Variants in SCNN1G observed in about 807,000 individuals in gnomAD.
SCNN1G encodes sodium channel epithelial 1 subunit gamma, also known as epithelial sodium channel subunit gamma.
Under a neutral mutation model 64.6 loss-of-function variants are expected in SCNN1G, and 27 were observed. The observed-to-expected ratio is 0.42, with a 90% CI of 0.31 to 0.58. SCNN1G has a LOEUF of 0.58. SCNN1G is among the 20% of genes least tolerant of loss of function. The pLI is 0.18. For synonymous variants in SCNN1G, 330 were observed against 314.2 expected (o/e 1.05, Z -0.53); for missense variants, 743 against 823.4 (o/e 0.90, Z 1.19).
At chr16:23,194,074 TC>T in intron 4 of SCNN1G, 96 bp from the exon 5 acceptor site, 2 of 818,170 alleles carry the variant, frequency 2.4e-6, no homozygotes, top group African/African-American at 1.7e-5. Flanking sequence ...TCACACATTC[TC>T]CCCAAAGAGA....
chr16:23,207,958 C>T (rs895753788), intron 6 of SCNN1G, among the ~76,000 whole-genome samples: 34 of 152,088 alleles, frequency 2.2e-4, no homozygotes, highest in African/African-American at 8.0e-4. Context: ...TTTCTCTTTA[C>T]CCCCATCTCC....
rs1959762982 is a variant in SCNN1G at position 23,194,396 on chromosome 16, A to G, written c.913+122A>G. The G allele has an allele frequency of 5.5e-6, 4 of 733,142 alleles. No homozygotes were observed. In the Admixed American group the frequency reaches 8.1e-5, roughly 15 times the overall value. The allele number at this position is 733,142 out of a possible 1,614,324, so 45.4% of individuals were successfully genotyped here. ...GATCTCTCCCACTTGGCCAGAAACC[A>G]GGGATGCCCCTTTTTCTATCAGTGT... On this transcript the variant is annotated intron_variant, in intron 5 of 12. Coordinates refer to ENST00000300061, the MANE Select transcript of SCNN1G (RefSeq NM_001039.4).
chr16:23,215,892 TGTCAAGGCTG>T lies in SCNN1G; in HGVS notation c.*425_*434del, dbSNP rs1782988507. On this transcript the variant is annotated 3_prime_UTR_variant, in exon 13 of 13. Transcript: ENST00000300061. ...TGGGGCCCAAGGATGTGACCTTGAG[TGTCAAGGCTG>T]GACAGCTACTGCCAGATGCCAAAGA... is the stretch of plus-strand genomic sequence containing the variant. The T allele has an allele frequency of 7.8e-6, 2 of 256,586 alleles. No individual in the cohort carries two copies. Among genetic ancestry groups the T allele is most frequent in the South Asian group, 1.0e-4 (2 of 19,636 alleles). 15.9% of individuals were successfully genotyped at this position (256,586 alleles called of 1,614,324 possible). A position where few individuals can be genotyped will look rare whatever the true frequency, so the allele number is the denominator to read the frequency against.
chr16:23,196,836 G>C (rs191888874), intron 5 of SCNN1G, among the ~76,000 whole-genome samples: 6 of 152,162 alleles, frequency 3.9e-5, no homozygotes, highest in African/African-American at 1.4e-4. Flanking sequence ...AGTTGGGCCA[G>C]TGATGAGAAA....
At chr16:23,205,324 G>A (rs972091579) in intron 6 of SCNN1G, among the ~76,000 whole-genome samples, 2 of 151,996 alleles carry the variant, frequency 1.3e-5, no homozygotes, top group Non-Finnish European at 1.5e-5. Context: ...ACCCCCTTAC[G>A]CCCACGGTCA....
chr16:23,202,020 T>C (rs1959897846), intron 6 of SCNN1G, among the ~76,000 whole-genome samples: 1 of 152,156 alleles, frequency 6.6e-6, no homozygotes, highest in Non-Finnish European at 1.5e-5. Flanking sequence ...TCTCGCTATG[T>C]TGCTCAGACT....
At chr16:23,210,771 C>T (rs892237681) in intron 7 of SCNN1G, among the ~76,000 whole-genome samples, 1 of 152,138 alleles carries the variant, frequency 6.6e-6, no homozygotes. Flanking sequence ...GTAGCTCATG[C>T]CTATAATCCC....
In SCNN1G at chr16:23,216,479, G is replaced by T. The variant is rs1218920867; in HGVS notation, c.*1010G>T. ...TCTTTCCACCTGAAATGGCTAACAG[G>T]TATTAAATCCTTGGTTGGTGTTTAA... is the stretch of plus-strand genomic sequence containing the variant. On this transcript the variant is annotated 3_prime_UTR_variant, in exon 13 of 13. Transcript: ENST00000300061. The T allele has an allele frequency of 6.6e-6, 1 of 152,114 alleles. No individual in the cohort carries two copies. 9.4% of individuals were successfully genotyped at this position (152,114 alleles called of 1,614,324 possible). A position where few individuals can be genotyped will look rare whatever the true frequency, so the allele number is the denominator to read the frequency against.
intron 6 of SCNN1G, among the ~76,000 whole-genome samples, chr16:23,204,288 C>CATATATATATATATATATATATATAT (rs59288460): frequency 1.4e-4 from 2 of 14,178 alleles, no homozygotes; most frequent in Non-Finnish European, 2.3e-4. Flanking sequence ...CAAATATATA[C>CATATATATATATATATATATATATAT]ATATATATAT....
At chr16:23,207,462 C>T (rs1349865765) in intron 6 of SCNN1G, among the ~76,000 whole-genome samples, 1 of 152,244 alleles carries the variant, frequency 6.6e-6, no homozygotes, top group African/African-American at 2.4e-5. Flanking sequence ...ATCTTTGCAC[C>T]TCTGTGCCCA....
intron 1 of SCNN1G, among the ~76,000 whole-genome samples, chr16:23,185,202 A>G (rs562427502): frequency 1.3e-5 from 2 of 152,350 alleles, no homozygotes; most frequent in South Asian, 4.1e-4. Context: ...CCTCTGTAAC[A>G]TGGATATAAT....
intron 6 of SCNN1G, among the ~76,000 whole-genome samples, chr16:23,208,422 A>G (rs1960025666): frequency 6.6e-6 from 1 of 152,094 alleles, no homozygotes. Flanking sequence ...ACCTCCTCTC[A>G]TGATCAGGGT....
chr16:23,186,339 C>G lies in SCNN1G; in HGVS notation c.68C>G (p.Pro23Arg), dbSNP rs368523916. 6.2e-7 allele frequency: 1 copy of G among 1,614,124 alleles called. No homozygotes were observed. Among genetic ancestry groups the G allele is most frequent in the African/African-American group, 1.3e-5 (1 of 74,944 alleles). Reference sequence around the variant, plus strand: ...CTGCCCGTGACGGGCCCTCAGGCGCCGACCATTAAAGAGCTGATGCGGTGG... The same window carrying G: ...CTGCCCGTGACGGGCCCTCAGGCGCGGACCATTAAAGAGCTGATGCGGTGG... The part of the protein sequence containing the change: ...KNLPVTGPQA[P>R]TIKELMRWYC... The change falls in exon 2 of 13, where the codon CCG becomes CGG. Residue 23 changes from proline to arginine, a missense_variant. By Grantham distance (103) the Pro-to-Arg change is moderately radical. Transcript: ENST00000300061.
rs1555474522 is a variant in SCNN1G, at chr16:23,201,530, A to AAC, written c.1077+4104_1077+4105insCA. The stretch of plus-strand genomic sequence containing the variant: ...ATTTATGAGCATTTAGAACAACAAC[A>AAC]AAAAAAAAAACAGGGTTTATGAAGA... On this transcript the variant is annotated intron_variant, in intron 6 of 12. Coordinates refer to ENST00000300061, the MANE Select transcript of SCNN1G (RefSeq NM_001039.4). Among the ~76,000 whole-genome samples the AAC allele has an allele frequency of 4.2e-3, 273 of 65,694 alleles. 1 individual carries two copies. The highest frequency in any genetic ancestry group is 0.012 in the African/African-American group (261 of 20,984). The allele number at this position is 65,694 out of a possible 152,430, so 43.1% of individuals were successfully genotyped here.
chr16:23,212,065 T>C lies in SCNN1G; in HGVS notation c.1208T>C (p.Met403Thr), dbSNP rs1379313253. Residue 403 changes from methionine (M) to threonine (T), a missense_variant, in exon 8 of 13, where the codon ATG (methionine) becomes ACG (threonine). Transcript: ENST00000300061. ...ICLHSCFQTK[M>T]VEKCGCAQYS... ...CTTCATTCATGCTTCCAGACAAAGATGGTGGAGAAATGTGGGTGTGCCCAG... is the reference window on the plus strand; with the variant it reads ...CTTCATTCATGCTTCCAGACAAAGACGGTGGAGAAATGTGGGTGTGCCCAG... The C allele has an allele frequency of 3.7e-6, 6 of 1,613,844 alleles. No homozygotes were observed. Among genetic ancestry groups the C allele is most frequent in the Admixed American group, 1.7e-5 (1 of 60,018 alleles).
chr16:23,201,418 C>A (rs1198096389), intron 6 of SCNN1G, among the ~76,000 whole-genome samples: 1 of 151,964 alleles, frequency 6.6e-6, no homozygotes, highest in African/African-American at 2.4e-5. Context: ...AGTGGGTAAA[C>A]AAAGACATGA....
chr16:23,203,362 A>G (rs1275832373), intron 6 of SCNN1G, among the ~76,000 whole-genome samples: 1 of 152,194 alleles, frequency 6.6e-6, no homozygotes, highest in Non-Finnish European at 1.5e-5. Context: ...GTTGGGGACC[A>G]GGCCCTGGAG....
At chr16:23,188,906 A>T (rs1284624531) in intron 2 of SCNN1G, among the ~76,000 whole-genome samples, 1 of 152,132 alleles carries the variant, frequency 6.6e-6, no homozygotes, top group Admixed American at 6.6e-5. Flanking sequence ...CATCGAGGTA[A>T]CAGTTATACC....
rs1959757994 is a variant in SCNN1G at position 23,194,204 on chromosome 16, G to A, written c.843G>A (p.Gly281=). 5 of 1,613,810 alleles carry A rather than the reference G, an allele frequency of 3.1e-6. No homozygotes were observed. Among genetic ancestry groups the A allele is most frequent in the Non-Finnish European group, 4.2e-6 (5 of 1,179,928 alleles). The change falls in exon 5 of 13, where the codon GGG becomes GGA. Residue 281 remains glycine (G), a synonymous_variant. Coordinates refer to ENST00000300061, the MANE Select transcript of SCNN1G (RefSeq NM_001039.4). The part of the protein sequence containing the change: ...NFTLFHHPMH[G]NCYTFNNREN... ...CGCTTTTCCACCACCCGATGCATGGGAATTGCTATACTTTCAACAACAGAG... is the reference window on the plus strand; with the variant it reads ...CGCTTTTCCACCACCCGATGCATGGAAATTGCTATACTTTCAACAACAGAG...
Sources: gnomAD v4.1 joint callset for allele counts (sites outside exome capture counted in the v4.1 genomes callset) on GRCh38, gnomAD v4.1.1 for gene constraint, MANE v1.5 for transcripts, NCBI Gene and HGNC (gene_info 2026-07-23, HGNC 2026-07-21) for gene names.